LRP5: variants seen among roughly 807,000 people sequenced by gnomAD.
LRP5 encodes the protein low-density lipoprotein receptor-related protein 5.
LRP5 carries 62 observed loss-of-function variants against 154.1 expected under a neutral mutation model. The observed-to-expected ratio is 0.40, with a 90% CI of 0.33 to 0.50. The LOEUF is 0.50. Among genes scored for constraint, LRP5 ranks in the 20% least tolerant of loss-of-function variants. LRP5 has a pLI of 0.55. For synonymous variants in LRP5, 966 were observed against 1,011.5 expected (o/e 0.96, Z 0.85); for missense variants, 1,915 against 2,336.7 (o/e 0.82, Z 3.72).
chr11:68,308,082 G>C (rs2153108899), upstream of LRP5, among the ~76,000 whole-genome samples: 1 of 152,370 alleles, frequency 6.6e-6, no homozygotes, highest in South Asian at 2.1e-4. Flanking sequence ...TGCTCCTGGG[G>C]CAGGTTGCTG....
At position 68,413,056 on chromosome 11, in the gene LRP5, CG is replaced by C. The variant is rs2098660496; in HGVS notation, c.2504-632del. On this transcript the variant is annotated intron_variant, in intron 11 of 22. Transcript: ENST00000294304. This position sits in a 1 kb window ranked among gnomAD's most constrained non-coding sequence, Gnocchi z 5.1. The stretch of plus-strand genomic sequence containing the variant: ...TGTGAGGCCAGTAGCAAGGTTTGCA[CG>C]TGACTTCGTGACCGTCACCCAGCTC... The C allele has an allele frequency of 5.4e-6, 1 of 185,376 alleles. No individual in the cohort carries two copies. The highest frequency in any genetic ancestry group is 1.1e-5 in the Non-Finnish European group (1 of 87,480). The allele number at this position is 185,376 out of a possible 1,614,324, so 11.5% of individuals were successfully genotyped here.
chr11:68,346,785 C>T (rs897537430), intron 1 of LRP5, among the ~76,000 whole-genome samples: 17 of 152,188 alleles, frequency 1.1e-4, no homozygotes, highest in African/African-American at 4.1e-4. Flanking sequence ...TGATGGAGCT[C>T]CCTGGAGGCC....
chr11:68,395,427 G>T (rs1010286710), intron 7 of LRP5, among the ~76,000 whole-genome samples: 1 of 152,024 alleles, frequency 6.6e-6, no homozygotes, highest in Non-Finnish European at 1.5e-5. Flanking sequence ...ATTACCTGAC[G>T]ATTTGGAGCT....
upstream of LRP5, among the ~76,000 whole-genome samples, chr11:68,311,970 G>A (rs2098588183): frequency 6.6e-6 from 1 of 152,246 alleles, no homozygotes; most frequent in Non-Finnish European, 1.5e-5. Flanking sequence ...GGCCCTGGCG[G>A]GCTTGTTGAA....
Position 68,447,735 on chromosome 11 carries a change from C to T in LRP5, c.4587-1074C>T, listed in dbSNP as rs1432473839. ...GTCCTGCTGCACTTTTCTCAACACC[C>T]GGTGTTGGCTGCACCTTCCCACCCA... is the stretch of plus-strand genomic sequence containing the variant. On this transcript the variant is annotated intron_variant, in intron 22 of 22. Transcript: ENST00000294304. The surrounding 1 kb of genome is among the most constrained non-coding windows in gnomAD (Gnocchi z 4.3). Among the ~76,000 whole-genome samples the T allele has an allele frequency of 2.6e-5, 4 of 152,184 alleles. No homozygotes were observed. The highest frequency in any genetic ancestry group is 7.2e-5 in the African/African-American group (3 of 41,450).
intron 4 of LRP5, 140 bp downstream of exon 4, chr11:68,364,083 A>G: frequency 3.5e-6 from 2 of 577,902 alleles, no homozygotes; most frequent in South Asian, 2.1e-5. Flanking sequence ...CCCTCCCTGC[A>G]GAAGCCCATG....
At chr11:68,443,579 A>ATT (rs1211684131) in intron 21 of LRP5, among the ~76,000 whole-genome samples, 15 of 39,914 alleles carry the variant, frequency 3.8e-4, no homozygotes, top group South Asian at 8.1e-4. Flanking sequence ...ATATATATAT[A>ATT]TATATATTTT....
chr11:68,354,659 G>A (rs780879567), intron 2 of LRP5, among the ~76,000 whole-genome samples: 6 of 152,246 alleles, frequency 3.9e-5, no homozygotes, highest in Non-Finnish European at 8.8e-5. Context: ...CCACACCCGG[G>A]CTTTGCTGGC....
At chr11:68,439,374 G>GA (rs2098676842) in intron 20 of LRP5, among the ~76,000 whole-genome samples, 1 of 152,206 alleles carries the variant, frequency 6.6e-6, no homozygotes, top group Non-Finnish European at 1.5e-5. Flanking sequence ...GCAGGGTATA[G>GA]ATGTAACCTG....
intron 13 of LRP5, among the ~76,000 whole-genome samples, chr11:68,417,300 T>G (rs1192923322): frequency 6.6e-6 from 1 of 152,000 alleles, no homozygotes; most frequent in Non-Finnish European, 1.5e-5. Flanking sequence ...CGGAGGTGTG[T>G]GTGTGGGTGT....
At chr11:68,446,215 G>A (rs546843980) in intron 21 of LRP5, among the ~76,000 whole-genome samples, 2 of 152,354 alleles carry the variant, frequency 1.3e-5, no homozygotes, top group South Asian at 2.1e-4. Flanking sequence ...TGGGCCAAAA[G>A]TGCCTGGGTT....
intron 8 of LRP5, 105 bp from the exon 9 acceptor site, chr11:68,406,419 C>T (rs2098655694): frequency 7.9e-7 from 1 of 1,271,576 alleles, no homozygotes; most frequent in South Asian, 1.2e-5. Context: ...GCTCGGCACC[C>T]CTGAGCTGTG....
chr11:68,412,640 C>T (rs1028726324), intron 11 of LRP5, among the ~76,000 whole-genome samples: 2 of 149,334 alleles, frequency 1.3e-5, no homozygotes, highest in African/African-American at 2.5e-5. Context: ...GTGAGACCGT[C>T]TCCAAAAAAA....
At chr11:68,328,874 G>T (rs565718339) in intron 1 of LRP5, among the ~76,000 whole-genome samples, 1 of 152,222 alleles carries the variant, frequency 6.6e-6, no homozygotes, top group Non-Finnish European at 1.5e-5. Flanking sequence ...TGCAGGACAC[G>T]GCGCAGAGGT....
chr11:68,385,084 ACGT>A (rs1178445736), intron 5 of LRP5, among the ~76,000 whole-genome samples: 1 of 152,198 alleles, frequency 6.6e-6, no homozygotes. Context: ...GGGATTCAAC[ACGT>A]GCAAGTCTTA....
intron 5 of LRP5, among the ~76,000 whole-genome samples, chr11:68,370,517 C>T (rs2098633445): frequency 6.6e-6 from 1 of 152,138 alleles, no homozygotes; most frequent in Non-Finnish European, 1.5e-5. Context: ...ACCACAGACA[C>T]CTGTGGGGTT....
intron 1 of LRP5, among the ~76,000 whole-genome samples, chr11:68,314,579 G>A (rs1442823343): frequency 6.6e-6 from 1 of 152,224 alleles, no homozygotes; most frequent in Non-Finnish European, 1.5e-5. Flanking sequence ...TGTTGCAATT[G>A]GAAGCTGTGA....
At chr11:68,325,209 G>C (rs1331846856) in intron 1 of LRP5, among the ~76,000 whole-genome samples, 7 of 152,206 alleles carry the variant, frequency 4.6e-5, no homozygotes, top group Non-Finnish European at 8.8e-5. Flanking sequence ...GGGTCCAATG[G>C]TATGATGTGT....
chr11:68,361,877 C>T (rs900084190), intron 3 of LRP5, among the ~76,000 whole-genome samples: 1 of 152,136 alleles, frequency 6.6e-6, no homozygotes, highest in African/African-American at 2.4e-5. Context: ...TTCCTTGAGA[C>T]GTAAACATTG....
Sources: gnomAD v4.1 joint callset for allele counts (sites outside exome capture counted in the v4.1 genomes callset) on GRCh38, gnomAD v4.1.1 for gene constraint, Gnocchi (gnomAD v3.1) non-coding constraint, MANE v1.5 for transcripts, NCBI Gene and HGNC (gene_info 2026-07-23, HGNC 2026-07-21) for gene names.